Variants in EXT1 observed in about 807,000 individuals in gnomAD.
EXT1 encodes exostosin glycosyltransferase 1, also known as exostosin-1.
Under a neutral mutation model 82.5 loss-of-function variants are expected in EXT1, and 20 were observed. The ratio of observed to expected loss-of-function variants is 0.24; its 90% CI spans 0.17 to 0.35. EXT1 has a LOEUF of 0.35. Ranked by LOEUF, EXT1 falls within the 10% of genes least tolerant of loss-of-function variation. EXT1 has a pLI of 1.00. For synonymous variants in EXT1, 348 were observed against 350.8 expected, an observed-to-expected ratio of 0.99 and a Z score of 0.09; for missense variants, 757 against 936.5, an observed-to-expected ratio of 0.81 and a Z score of 2.50.
chr8:118,028,275 C>T (rs891367708), intron 1 of EXT1, among the ~76,000 whole-genome samples: 4 of 152,218 alleles, frequency 2.6e-5, no homozygotes, highest in East Asian at 1.9e-4. Context: ...AGGGCAAGGA[C>T]GCATCTGGCC....
intron 1 of EXT1, among the ~76,000 whole-genome samples, chr8:118,009,983 C>T (rs1026275849): frequency 2.0e-5 from 3 of 152,132 alleles, no homozygotes; most frequent in Admixed American, 6.5e-5. Context: ...TAAGAGCTAA[C>T]AGGTAGGCTA....
intron 1 of EXT1, among the ~76,000 whole-genome samples, chr8:118,030,702 G>A (rs368547759): frequency 5.3e-5 from 8 of 152,104 alleles, no homozygotes; most frequent in Non-Finnish European, 8.8e-5. Flanking sequence ...GGCTGGTCTC[G>A]AACTACTGAC....
At position 118,033,549 on chromosome 8, in the gene EXT1, G is replaced by A. The variant is rs577791617; in HGVS notation, c.962+76536C>T. 5.5e-3 allele frequency among the ~76,000 whole-genome samples: 832 copies of A among 152,270 alleles called. 3 individuals are homozygous for A. The highest frequency in any genetic ancestry group is 8.1e-3 in the Non-Finnish European group (552 of 68,026). On this transcript the variant is annotated intron_variant, in intron 1 of 10. Coordinates refer to ENST00000378204, the MANE Select transcript of EXT1 (RefSeq NM_000127.3). ...GCTGGAGTGCAGTGGCATGATCATA[G>A]TTCACTGTAGCCTTGACCTCCTGGG...
intron 7 of EXT1, among the ~76,000 whole-genome samples, chr8:117,816,109 C>T (rs1422927122): frequency 6.6e-6 from 1 of 152,056 alleles, no homozygotes; most frequent in Admixed American, 6.6e-5. Flanking sequence ...AGTGCGCCCA[C>T]ACTTCTCAGT....
rs556941204 is a variant in EXT1 at position 117,832,781 on chromosome 8, T to C, written c.1165-2432A>G. Among the ~76,000 whole-genome samples, 3 of 152,302 alleles carry C rather than the reference T, an allele frequency of 2.0e-5. No individual in the cohort carries two copies. The East Asian group carries it at 5.8e-4, about 29-fold the overall frequency. On this transcript the variant is annotated intron_variant, in intron 3 of 10. Coordinates refer to ENST00000378204, the MANE Select transcript of EXT1 (RefSeq NM_000127.3). ...GCTCTGGAAGACAACTCCAATTGAT[T>C]GAAAAGACAGAGTTCCAAGTTTTAA...
chr8:117,836,321 C>T (rs890558477), intron 2 of EXT1, among the ~76,000 whole-genome samples: 1 of 152,110 alleles, frequency 6.6e-6, no homozygotes, highest in African/African-American at 2.4e-5. Context: ...AAAGACATTC[C>T]AGAGAAGGAA....
chr8:118,071,608 T>C (rs1458572837), intron 1 of EXT1, among the ~76,000 whole-genome samples: 5 of 152,202 alleles, frequency 3.3e-5, no homozygotes, highest in Admixed American at 2.0e-4. Flanking sequence ...AATAGCTCAA[T>C]TGGAAGATGA....
chr8:117,972,216 A>T (rs115191018), intron 1 of EXT1, among the ~76,000 whole-genome samples: 1,844 of 151,960 alleles, frequency 0.012, 35 homozygotes, highest in African/African-American at 0.039. Flanking sequence ...TGGAATTGGG[A>T]CCAGAATAGG....
intron 1 of EXT1, among the ~76,000 whole-genome samples, chr8:117,889,346 A>G (rs4480148): frequency 0.69 from 104,928 of 152,034 alleles, 36,634 homozygotes; most frequent in Middle Eastern, 0.82. Flanking sequence ...TAACTAATTC[A>G]AGTTTTTAAA....
rs374226926 is a variant in EXT1, at chr8:118,086,061, T to C, written c.962+24024A>G. On this transcript the variant is annotated intron_variant, in intron 1 of 10. Transcript: ENST00000378204. ...TTTTTTAGTAAGGAAAAGCACACAATACTGGCTAATTTTCTGGTACCCAAT... is the reference window on the plus strand; with the variant it reads ...TTTTTTAGTAAGGAAAAGCACACAACACTGGCTAATTTTCTGGTACCCAAT... Among the ~76,000 whole-genome samples, 9 of 152,296 alleles carry C rather than the reference T, an allele frequency of 5.9e-5. No homozygotes were observed. The East Asian group carries it at 1.5e-3, about 26-fold the overall frequency.
chr8:118,012,186 C>T (rs1815913096), intron 1 of EXT1, among the ~76,000 whole-genome samples: 1 of 152,222 alleles, frequency 6.6e-6, no homozygotes, highest in Admixed American at 6.5e-5. Flanking sequence ...AGGGAACCCT[C>T]AATGAAGCGC....
At chr8:117,884,912 T>C (rs1348643327) in intron 1 of EXT1, among the ~76,000 whole-genome samples, 1 of 152,218 alleles carries the variant, frequency 6.6e-6, no homozygotes, top group East Asian at 1.9e-4. Context: ...TAGAATCACT[T>C]TTCAAAAAGT....
intron 1 of EXT1, among the ~76,000 whole-genome samples, chr8:117,912,856 TA>T (rs1181540687): frequency 9.2e-5 from 14 of 152,246 alleles, no homozygotes; most frequent in African/African-American, 3.4e-4. Flanking sequence ...AGGTTCCAGG[TA>T]ATTGGTGCAT....
chr8:117,796,481 C>A lies in EXT1; in HGVS notation c.*3231G>T, dbSNP rs906397872. 8.6e-5 allele frequency: 13 copies of A among 151,972 alleles called. No homozygotes were observed. Among genetic ancestry groups the A allele is most frequent in the African/African-American group, 3.1e-4 (13 of 41,356 alleles). 9.4% of individuals were successfully genotyped at this position (151,972 alleles called of 1,614,324 possible). On this transcript the variant is annotated 3_prime_UTR_variant, in exon 11 of 11. Coordinates refer to ENST00000378204, the MANE Select transcript of EXT1 (RefSeq NM_000127.3). ...ACCAGCATAATACTCTTTCAAGTCA[C>A]CAGGTATTTGAGAACCACCAAAATA...
intron 1 of EXT1, among the ~76,000 whole-genome samples, chr8:118,016,406 T>A (rs1006056810): frequency 1.3e-5 from 2 of 151,938 alleles, no homozygotes; most frequent in African/African-American, 4.8e-5. Flanking sequence ...AATAAATAAA[T>A]GAATAAATAA....
intron 1 of EXT1, among the ~76,000 whole-genome samples, chr8:118,023,465 T>C (rs1195730205): frequency 7.2e-5 from 11 of 152,182 alleles, no homozygotes; most frequent in African/African-American, 2.2e-4. Context: ...AAAATAGGAA[T>C]GGCTTCACTC....
intron 1 of EXT1, among the ~76,000 whole-genome samples, chr8:117,913,787 C>A (rs1275013701): frequency 6.6e-6 from 1 of 152,172 alleles, no homozygotes; most frequent in African/African-American, 2.4e-5. Context: ...AATAATTCCA[C>A]AAACATTATC....
intron 1 of EXT1, among the ~76,000 whole-genome samples, chr8:117,893,240 T>A (rs1180539282): frequency 1.3e-5 from 2 of 152,226 alleles, no homozygotes; most frequent in Non-Finnish European, 2.9e-5. Flanking sequence ...CTTTTCCAAG[T>A]GAACTCTCTG....
chr8:118,039,772 C>T (rs1488484128), intron 1 of EXT1, among the ~76,000 whole-genome samples: 1 of 152,046 alleles, frequency 6.6e-6, no homozygotes, highest in Non-Finnish European at 1.5e-5. Context: ...AAAATCCCTT[C>T]CAGTTGAACT....
Sources: allele counts gnomAD v4.1 joint callset (sites outside exome capture counted in the v4.1 genomes callset), GRCh38; gene constraint gnomAD v4.1.1; transcripts MANE v1.5; gene names NCBI Gene and HGNC (gene_info 2026-07-23, HGNC 2026-07-21).